The following TCF21 variants were observed in gnomAD, a reference collection of about 807,000 sequenced individuals.
The protein encoded by TCF21 is capsulin.
A neutral mutation model predicts 13.5 loss-of-function variants in TCF21; 3 were observed. The ratio of observed to expected loss-of-function variants is 0.22; its 90% CI spans 0.10 to 0.57. The LOEUF is 0.57. Among genes scored for constraint, TCF21 ranks in the 20% least tolerant of loss-of-function variants. The probability of loss-of-function intolerance (pLI) is 0.92; values close to 1 mark genes in which losing one functional copy is unlikely to be tolerated. For missense variants in TCF21, 181 were observed against 238.4 expected (o/e 0.76, Z 1.59); for synonymous variants, 92 against 101.7 (o/e 0.90, Z 0.57).
rs1378899498 is a variant in TCF21 at position 133,891,749 on chromosome 6, G to A, written c.487G>A (p.Asp163Asn). 6.2e-7 allele frequency: 1 copy of A among 1,613,864 alleles called. No individual in the cohort carries two copies. The highest frequency in any genetic ancestry group is 1.3e-5 in the African/African-American group (1 of 74,966). The part of the protein sequence containing the change: ...PFMVAGKPES[D>N]LKEVVTASRL... ...TATGGTGGCCGGGAAACCCGAGAGT[G>A]ACCTGAAAGAAGTGGTGACCGCGAG... is the stretch of plus-strand genomic sequence containing the variant. The change falls in exon 2 of 2, where the codon GAC becomes AAC. Residue 163 changes from aspartate (D) to asparagine (N), a missense_variant. Around this residue, in one of 3 missense-constraint regions of TCF21, gnomAD observed 55 missense variants for 59.5 expected, o/e 0.92. Coordinates refer to ENST00000367882, the MANE Select transcript of TCF21 (RefSeq NM_003206.4).
chr6:133,893,808 T>A (rs1775258694), downstream of TCF21: 1 of 152,178 alleles, frequency 6.6e-6, no homozygotes, highest in Non-Finnish European at 1.5e-5. Flanking sequence ...TACCAATAAT[T>A]TGAAGCCTTT....
chr6:133,889,948 G>T lies in TCF21; in HGVS notation c.450+101G>T. The T allele has an allele frequency of 7.3e-7, 1 of 1,373,152 alleles. No individual in the cohort carries two copies. Among genetic ancestry groups the T allele is most frequent in the South Asian group, 1.2e-5 (1 of 84,216 alleles). The allele number at this position is 1,373,152 out of a possible 1,614,324, so 85.1% of individuals were successfully genotyped here. A position where few individuals can be genotyped will look rare whatever the true frequency, so the allele number is the denominator to read the frequency against. On this transcript the variant is annotated intron_variant, in intron 1 of 1. Coordinates refer to ENST00000367882, the MANE Select transcript of TCF21 (RefSeq NM_003206.4). The surrounding 1 kb of genome is among the most constrained non-coding windows in gnomAD (Gnocchi z 5.1). ...GGGCTGGGAGTGGGGGTGTGGGCGCGGCGGTGACTTACACATCTCGACCAC... is the reference window on the plus strand; with the variant it reads ...GGGCTGGGAGTGGGGGTGTGGGCGCTGCGGTGACTTACACATCTCGACCAC...
chr6:133,891,585 A>C, intron 1 of TCF21, 128 bp from the exon 2 acceptor site: 2 of 996,530 alleles, frequency 2.0e-6, no homozygotes, highest in Non-Finnish European at 3.1e-6. Context: ...AGTAAATTGC[A>C]GAGATAACCG....
At chr6:133,891,177 C>T (rs1190937566) in intron 1 of TCF21, among the ~76,000 whole-genome samples, 2 of 152,128 alleles carry the variant, frequency 1.3e-5, no homozygotes, top group African/African-American at 4.8e-5. Flanking sequence ...TAGTCAAAGC[C>T]GGTGTTTGCG....
Position 133,889,927 on chromosome 6 carries a change from T to G in TCF21, c.450+80T>G. The G allele has an allele frequency of 6.6e-7, 1 of 1,519,648 alleles. No homozygotes were observed. The highest frequency in any genetic ancestry group is 9.1e-7 in the Non-Finnish European group (1 of 1,098,924). 94.1% of individuals were successfully genotyped at this position (1,519,648 alleles called of 1,614,324 possible). On this transcript the variant is annotated intron_variant, in intron 1 of 1. Transcript: ENST00000367882. This position sits in a 1 kb window ranked among gnomAD's most constrained non-coding sequence, Gnocchi z 5.1. ...CGGTGGGCGCGAGTGCGCGCGGGGC[T>G]GGGAGTGGGGGTGTGGGCGCGGCGG...
intron 1 of TCF21, 118 bp from the exon 2 acceptor site, chr6:133,891,595 G>C (rs1347950402): frequency 2.8e-6 from 3 of 1,074,186 alleles, no homozygotes; most frequent in Non-Finnish European, 2.8e-6. Context: ...AGAGATAACC[G>C]GTCTCTCCAG....
chr6:133,892,282 A>T (rs1038097807), downstream of TCF21: 5 of 152,434 alleles, frequency 3.3e-5, no homozygotes, highest in South Asian at 4.1e-4. Flanking sequence ...AGTGATTTTT[A>T]AAAATATTTG....
Position 133,889,867 on chromosome 6 carries a change from C to T in TCF21, c.450+20C>T. 6.2e-7 allele frequency: 1 copy of T among 1,612,326 alleles called. No homozygotes were observed. Among genetic ancestry groups the T allele is most frequent in the Non-Finnish European group, 8.5e-7 (1 of 1,179,540 alleles). On this transcript the variant is annotated intron_variant, in intron 1 of 1. Transcript: ENST00000367882. The surrounding 1 kb of genome is among the most constrained non-coding windows in gnomAD (Gnocchi z 5.1). ...AACCTGGTGAGTGCTCCCGGGGCTG[C>T]AGCTGCAGTCCAGGCGCGCCCGCAC... is the stretch of plus-strand genomic sequence containing the variant.
At chr6:133,894,555 C>T (rs1008730067), downstream of TCF21, 30 of 152,662 alleles carry the variant, frequency 2.0e-4, no homozygotes, top group African/African-American at 6.5e-4. Flanking sequence ...CCAACACACA[C>T]CCACAGTCTA....
At position 133,891,799 on chromosome 6, in the gene TCF21, C is replaced by A; in HGVS notation, c.537C>A (p.Ser179=). 1.2e-6 allele frequency: 2 copies of A among 1,614,062 alleles called. No homozygotes were observed. Among genetic ancestry groups the A allele is most frequent in the South Asian group, 2.2e-5 (2 of 91,064 alleles). ...GCCGCTTATGTGGAACCACCGCGTCCTGACCTTGGAGGTGCGAGTCTGGGA... is the reference window on the plus strand; with the variant it reads ...GCCGCTTATGTGGAACCACCGCGTCATGACCTTGGAGGTGCGAGTCTGGGA... The part of the protein sequence containing the change: ...TASRLCGTTA[S] Residue 179 remains serine, a synonymous_variant, in exon 2 of 2, where the codon TCC becomes TCA. Transcript: ENST00000367882.
intron 1 of TCF21, 115 bp from the exon 2 acceptor site, chr6:133,891,598 C>G: frequency 9.0e-7 from 1 of 1,114,090 alleles, no homozygotes; most frequent in Non-Finnish European, 1.3e-6. Context: ...GATAACCGGT[C>G]TCTCCAGAGC....
In TCF21 at chr6:133,889,783, C is replaced by T. The variant is rs766307333; in HGVS notation, c.386C>T (p.Ala129Val). The change falls in exon 1 of 2, where the codon GCC (alanine) becomes GTC (valine). Residue 129 changes from alanine (A) to valine (V), a missense_variant. Physicochemically the swap from Ala to Val is moderately conservative, Grantham distance 64. Transcript: ENST00000367882. This position sits in a 1 kb window ranked among gnomAD's most constrained non-coding sequence, Gnocchi z 5.1. ...DTLRLASSYI[A>V]HLRQILANDK... Reference sequence around the variant, plus strand: ...CTCAGGCTGGCGTCCAGCTACATCGCCCACTTGAGGCAGATCCTGGCTAAC... The same window carrying T: ...CTCAGGCTGGCGTCCAGCTACATCGTCCACTTGAGGCAGATCCTGGCTAAC... The T allele has an allele frequency of 1.9e-6, 3 of 1,613,370 alleles. No homozygotes were observed. In the South Asian group the frequency reaches 3.3e-5, roughly 18 times the overall value.
chr6:133,894,336 T>C (rs773958562), downstream of TCF21: 4 of 152,224 alleles, frequency 2.6e-5, no homozygotes, highest in Non-Finnish European at 5.9e-5. Context: ...GAGAGCAAAG[T>C]CAGAGCCTGG....
At position 133,889,828 on chromosome 6, in the gene TCF21, A is replaced by G; in HGVS notation, c.431A>G (p.Tyr144Cys). The change falls in exon 1 of 2, where the codon TAC (tyrosine) becomes TGC (cysteine). Residue 144 changes from tyrosine to cysteine, a missense_variant. Tyr to Cys is a radical substitution (Grantham distance 194, BLOSUM62 -2). Coordinates refer to ENST00000367882, the MANE Select transcript of TCF21 (RefSeq NM_003206.4). This position sits in a 1 kb window ranked among gnomAD's most constrained non-coding sequence, Gnocchi z 5.1. ...ILANDKYENG[Y>C]IHPVNLTWPF... ...GCTAACGACAAATACGAGAACGGGT[A>G]CATTCACCCGGTCAACCTGGTGAGT... 6.2e-7 allele frequency: 1 copy of G among 1,612,846 alleles called. No individual in the cohort carries two copies. The highest frequency in any genetic ancestry group is 8.5e-7 in the Non-Finnish European group (1 of 1,179,802).
rs752319123 is a variant in TCF21 at position 133,889,811 on chromosome 6, C to A, written c.414C>A (p.Asp138Glu). 4.3e-6 allele frequency: 7 copies of A among 1,612,938 alleles called. No homozygotes were observed. Among genetic ancestry groups the A allele is most frequent in the Non-Finnish European group, 5.9e-6 (7 of 1,179,906 alleles). The part of the protein sequence containing the change: ...IAHLRQILAN[D>E]KYENGYIHPV... ...ACTTGAGGCAGATCCTGGCTAACGA[C>A]AAATACGAGAACGGGTACATTCACC... The change falls in exon 1 of 2, where the codon GAC becomes GAA. Residue 138 changes from aspartate to glutamate, a missense_variant. Physicochemically the swap from Asp to Glu is conservative, Grantham distance 45 (BLOSUM62 2). Transcript: ENST00000367882. The surrounding 1 kb of genome is among the most constrained non-coding windows in gnomAD (Gnocchi z 5.1).
downstream of TCF21, chr6:133,893,870 C>T (rs1001445422): frequency 2.0e-5 from 3 of 152,202 alleles, no homozygotes; most frequent in Admixed American, 6.5e-5. Flanking sequence ...AGATTTGACC[C>T]TGGTTCTGCA....
At position 133,889,439 on chromosome 6, in the gene TCF21, G is replaced by T. The variant is rs778713189; in HGVS notation, c.42G>T (p.Glu14Asp). 6.2e-6 allele frequency: 10 copies of T among 1,614,034 alleles called. No homozygotes were observed. In the African/African-American group the frequency reaches 1.3e-4, roughly 22 times the overall value. Residue 14 changes from glutamate to aspartate, a missense_variant, in exon 1 of 2, where the codon GAG becomes GAT. Coordinates refer to ENST00000367882, the MANE Select transcript of TCF21 (RefSeq NM_003206.4). The surrounding 1 kb of genome is among the most constrained non-coding windows in gnomAD (Gnocchi z 5.1). ...TCAGCGATGTGGAGGACCTTCAAGA[G>T]GTGGAGATGTTGGAATGTGACGGGT... is the stretch of plus-strand genomic sequence containing the variant. Reference protein sequence around the residue: ...GSLSDVEDLQEVEMLECDGLK... With the variant: ...GSLSDVEDLQDVEMLECDGLK...
At chr6:133,893,200 C>G, downstream of TCF21, 1 of 152,294 alleles carries the variant, frequency 6.6e-6, no homozygotes, top group East Asian at 1.9e-4. Flanking sequence ...ACCAACCCCA[C>G]AGGCCGCTTC....
In TCF21 at chr6:133,892,198, T is replaced by A. The variant is rs1448484617; in HGVS notation, c.*396T>A. The A allele has an allele frequency of 6.5e-6, 1 of 153,782 alleles. No individual in the cohort carries two copies. The highest frequency in any genetic ancestry group is 1.4e-5 in the Non-Finnish European group (1 of 69,148). The allele number at this position is 153,782 out of a possible 1,614,324, so 9.5% of individuals were successfully genotyped here. A position where few individuals can be genotyped will look rare whatever the true frequency, so the allele number is the denominator to read the frequency against. Reference sequence around the variant, plus strand: ...ATAAAGTAATTCACTTAAAGATATATATTTTTTTCAAACAAGTTTTGCTAC... The same window carrying A: ...ATAAAGTAATTCACTTAAAGATATAAATTTTTTTCAAACAAGTTTTGCTAC... On this transcript the variant is annotated 3_prime_UTR_variant, in exon 2 of 2. Transcript: ENST00000367882.
Sources: allele counts gnomAD v4.1 joint callset (sites outside exome capture counted in the v4.1 genomes callset), GRCh38; gene constraint gnomAD v4.1.1; regional missense constraint gnomAD v4.1.1; non-coding constraint Gnocchi (gnomAD v3.1); transcripts MANE v1.5; gene names NCBI Gene and HGNC (gene_info 2026-07-23, HGNC 2026-07-21).